The following TMEM131 variants were observed in gnomAD, a reference collection of about 807,000 sequenced individuals.
TMEM131 encodes transmembrane protein 131, also known as 2610524E03Rik.
Under a neutral mutation model 211.6 loss-of-function variants are expected in TMEM131, and 66 were observed. That is an observed-to-expected ratio of 0.31 (90% CI 0.26 to 0.38). The LOEUF is 0.38. TMEM131 is among the 10% of genes least tolerant of loss of function. The probability of loss-of-function intolerance (pLI) is 1.00; values close to 1 mark genes in which losing one functional copy is unlikely to be tolerated. For missense variants in TMEM131, 2,036 were observed against 2,299.3 expected, an observed-to-expected ratio of 0.89 and a Z score of 2.34; for synonymous variants, 844 against 841.3, an observed-to-expected ratio of 1.00 and a Z score of -0.06.
At chr2:97,761,236 G>A (rs575334791) in intron 36 of TMEM131, 25 of 219,556 alleles carry the variant, frequency 1.1e-4, no homozygotes, top group African/African-American at 5.4e-4. Context: ...GAAATGCAGA[G>A]GGCAGCCACC....
chr2:97,786,969 C>G (rs762274477), intron 31 of TMEM131, among the ~76,000 whole-genome samples: 1 of 152,218 alleles, frequency 6.6e-6, no homozygotes, highest in Non-Finnish European at 1.5e-5. Context: ...TCAACCATAA[C>G]TGCCAGAAAA....
At chr2:97,804,116 A>T (rs1362901234) in intron 22 of TMEM131, among the ~76,000 whole-genome samples, 1 of 152,224 alleles carries the variant, frequency 6.6e-6, no homozygotes, top group Non-Finnish European at 1.5e-5. Context: ...GATACTAACA[A>T]ATATATTTCA....
At chr2:97,779,602 C>T (rs1378762642) in intron 31 of TMEM131, among the ~76,000 whole-genome samples, 1 of 152,214 alleles carries the variant, frequency 6.6e-6, no homozygotes, top group Non-Finnish European at 1.5e-5. Flanking sequence ...TCACCTGGGA[C>T]CTTGTTAGAA....
At chr2:97,901,108 A>G (rs898518793) in intron 3 of TMEM131, among the ~76,000 whole-genome samples, 9 of 152,220 alleles carry the variant, frequency 5.9e-5, no homozygotes, top group African/African-American at 2.2e-4. Context: ...CAAAAATATG[A>G]AAATACATAC....
chr2:97,867,651 T>A (rs1342372917), intron 4 of TMEM131, among the ~76,000 whole-genome samples: 1 of 152,220 alleles, frequency 6.6e-6, no homozygotes, highest in African/African-American at 2.4e-5. Flanking sequence ...GCATCTGGGA[T>A]ACAGCATCTG....
At position 97,849,181 on chromosome 2, in the gene TMEM131, G is replaced by A. The variant is rs1313570721; in HGVS notation, c.484-4920C>T. On this transcript the variant is annotated intron_variant, in intron 5 of 40. Transcript: ENST00000186436. ...AATACAGAGTGCTAATAAGGATGTG[G>A]AGCAACCAAAACTCTCATGTTTCTC... Among the ~76,000 whole-genome samples, 3 of 152,228 alleles carry A rather than the reference G, an allele frequency of 2.0e-5. No individual in the cohort carries two copies. In the East Asian group the frequency reaches 5.8e-4, roughly 29 times the overall value.
Position 97,891,566 on chromosome 2 carries a change from G to C in TMEM131, c.291-3446C>G, listed in dbSNP as rs1232565988. Among the ~76,000 whole-genome samples the C allele has an allele frequency of 2.0e-5, 3 of 152,172 alleles. No individual in the cohort carries two copies. In the South Asian group the frequency reaches 6.2e-4, roughly 32 times the overall value. On this transcript the variant is annotated intron_variant, in intron 3 of 40. Transcript: ENST00000186436. ...AGACTATTTTCTGATTTCAAGCTAG[G>C]AAACAACTGAAGAGATACAAGAAAT...
At chr2:97,760,571 G>C in intron 38 of TMEM131, 22 bp downstream of exon 38, 1 of 1,596,162 alleles carries the variant, frequency 6.3e-7, no homozygotes, top group East Asian at 2.3e-5. Context: ...TCTTTCTAGC[G>C]GTTAGTGGTG....
At chr2:97,845,438 G>A (rs1044629247) in intron 5 of TMEM131, among the ~76,000 whole-genome samples, 51 of 151,988 alleles carry the variant, frequency 3.4e-4, no homozygotes, top group African/African-American at 9.4e-4. Flanking sequence ...AAAGATACCC[G>A]GCAAACCCTC....
At chr2:97,958,880 A>T (rs1290320352) in intron 1 of TMEM131, among the ~76,000 whole-genome samples, 1 of 152,350 alleles carries the variant, frequency 6.6e-6, no homozygotes, top group East Asian at 1.9e-4. Flanking sequence ...TCTGCAACTT[A>T]TTACGGGCAG....
At chr2:97,981,603 TA>T (rs2104644257) in intron 1 of TMEM131, among the ~76,000 whole-genome samples, 1 of 152,342 alleles carries the variant, frequency 6.6e-6, no homozygotes, top group Admixed American at 6.5e-5. Flanking sequence ...ACTTGTTTAA[TA>T]ACAGCTCCCA....
chr2:97,988,046 T>C (rs1181357323), intron 1 of TMEM131, among the ~76,000 whole-genome samples: 1 of 152,244 alleles, frequency 6.6e-6, no homozygotes, highest in Admixed American at 6.5e-5. Flanking sequence ...CACATTTCCT[T>C]ATTTCAAAAC....
At chr2:97,762,372 ATC>A in intron 35 of TMEM131, 172 bp from the exon 36 acceptor site, 1 of 616,196 alleles carries the variant, frequency 1.6e-6, no homozygotes, top group East Asian at 3.3e-5. Context: ...AAGCAGCCAC[ATC>A]TCTCTGCACT....
At chr2:97,836,999 A>G in intron 8 of TMEM131, 78 bp downstream of exon 8, 1 of 1,113,042 alleles carries the variant, frequency 9.0e-7, no homozygotes, top group Non-Finnish European at 1.4e-6. Flanking sequence ...AAGCCTATTA[A>G]GGAGTTAAAT....
chr2:97,939,534 T>C (rs891386424), intron 1 of TMEM131, among the ~76,000 whole-genome samples: 1 of 152,148 alleles, frequency 6.6e-6, no homozygotes, highest in Non-Finnish European at 1.5e-5. Context: ...CAATAATTAA[T>C]AGCCTACAAA....
rs201312564 is a variant in TMEM131, at chr2:97,858,958, T to C, written c.483+346A>G. On this transcript the variant is annotated intron_variant, in intron 5 of 40. Transcript: ENST00000186436. ...TACAGAACTGTGTGCTAAGTGGCTG[T>C]TGCCACAAGTCTCAAGTTTGTGGTA... Among the ~76,000 whole-genome samples, 7 of 152,290 alleles carry C rather than the reference T, an allele frequency of 4.6e-5. No individual in the cohort carries two copies. The East Asian group carries it at 5.8e-4, about 13-fold the overall frequency.
intron 31 of TMEM131, among the ~76,000 whole-genome samples, chr2:97,791,637 AGTCCTGT>A (rs1680501765): frequency 6.6e-6 from 1 of 152,230 alleles, no homozygotes. Context: ...CCTTGACTGC[AGTCCTGT>A]GTCCTGTGAG....
chr2:97,839,411 GAATA>G (rs1486637541), intron 7 of TMEM131, among the ~76,000 whole-genome samples: 1 of 152,014 alleles, frequency 6.6e-6, no homozygotes, highest in African/African-American at 2.4e-5. Context: ...CAGAGAAAAT[GAATA>G]AAGAAATAGA....
chr2:97,881,919 T>C (rs914044207), intron 4 of TMEM131, among the ~76,000 whole-genome samples: 1 of 152,080 alleles, frequency 6.6e-6, no homozygotes, highest in African/African-American at 2.4e-5. Flanking sequence ...CTTCTGAGAG[T>C]GGAAAAAACA....
Sources: gnomAD v4.1 joint callset for allele counts (sites outside exome capture counted in the v4.1 genomes callset) on GRCh38, gnomAD v4.1.1 for gene constraint, MANE v1.5 for transcripts, NCBI Gene and HGNC (gene_info 2026-07-23, HGNC 2026-07-21) for gene names.